PAK1: variants seen among roughly 807,000 people sequenced by gnomAD.
PAK1 encodes the protein p21 (RAC1) activated kinase 1.
PAK1 carries 29 observed loss-of-function variants against 67.4 expected under a neutral mutation model. The ratio of observed to expected loss-of-function variants is 0.43; its 90% CI spans 0.32 to 0.59. PAK1 has a LOEUF of 0.59. Among genes scored for constraint, PAK1 ranks in the 20% least tolerant of loss-of-function variants. PAK1 has a pLI of 0.07. For synonymous variants in PAK1, 223 were observed against 237.4 expected (o/e 0.94, Z 0.56); for missense variants, 337 against 670.7 (o/e 0.50, Z 5.50).
chr11:77,351,901 A>G (rs1165837914), intron 8 of PAK1, among the ~76,000 whole-genome samples: 1 of 151,134 alleles, frequency 6.6e-6, no homozygotes, highest in African/African-American at 2.4e-5. Context: ...ATAGAGAGGT[A>G]TAACTTAATT....
At chr11:77,394,017 T>TG (rs1042808779) in intron 1 of PAK1, among the ~76,000 whole-genome samples, 7 of 151,842 alleles carry the variant, frequency 4.6e-5, no homozygotes, top group Middle Eastern at 3.2e-3. Context: ...TAAATAAAGA[T>TG]GGGGGGGATT....
At chr11:77,508,992 C>G in the PAK1 span, among the ~76,000 whole-genome samples, 1 of 135,328 alleles carries the variant, frequency 7.4e-6, no homozygotes, top group African/African-American at 2.6e-5. Context: ...AGCATCTGGC[C>G]GGGCGCGGTG....
chr11:77,391,123 A>G (rs2137402455), intron 2 of PAK1, among the ~76,000 whole-genome samples: 1 of 152,256 alleles, frequency 6.6e-6, no homozygotes, highest in South Asian at 2.1e-4. Context: ...AGGCAATTAT[A>G]TTTTTCTACA....
chr11:77,473,210 G>C (rs143385504), intron 1 of PAK1, among the ~76,000 whole-genome samples: 88 of 152,316 alleles, frequency 5.8e-4, no homozygotes, highest in African/African-American at 1.9e-3. Flanking sequence ...TGCGAAGTTC[G>C]GGACGGACTC....
At chr11:77,399,858 CA>C (rs34662738) in intron 1 of PAK1, among the ~76,000 whole-genome samples, 4 of 42,362 alleles carry the variant, frequency 9.4e-5, no homozygotes, top group East Asian at 1.4e-3. Context: ...GACTCCGTCT[CA>C]AAAAAAAAAA....
chr11:77,457,724 G>A lies in PAK1; in HGVS notation c.-22+15828C>T, dbSNP rs528765072. 2.9e-4 allele frequency among the ~76,000 whole-genome samples: 44 copies of A among 152,220 alleles called. No individual in the cohort carries two copies. The South Asian group carries it at 6.0e-3, about 21-fold the overall frequency. On this transcript the variant is annotated intron_variant, in intron 1 of 14. Transcript: ENST00000356341. ...TTTCTCATTTCCATCTCAATCTCCA[G>A]GAAGAATTACAATGAGAATAACAGC...
At chr11:77,369,934 CTCTT>C (rs1469621243) in intron 5 of PAK1, among the ~76,000 whole-genome samples, 1 of 152,112 alleles carries the variant, frequency 6.6e-6, no homozygotes, top group East Asian at 1.9e-4. Flanking sequence ...CTTGGTTCCT[CTCTT>C]TAATGTTGTG....
chr11:77,425,386 G>C (rs972689482), intron 1 of PAK1, among the ~76,000 whole-genome samples: 1 of 152,014 alleles, frequency 6.6e-6, no homozygotes, highest in Non-Finnish European at 1.5e-5. Flanking sequence ...CTAGAAAAGA[G>C]GCACCTTCTG....
intron 1 of PAK1, among the ~76,000 whole-genome samples, chr11:77,471,031 G>A (rs1030013774): frequency 2.0e-5 from 3 of 152,152 alleles, no homozygotes; most frequent in Non-Finnish European, 4.4e-5. Context: ...CCCCAATGTC[G>A]CAGCTGGCAA....
At chr11:77,337,975 C>T (rs932313062) in intron 11 of PAK1, among the ~76,000 whole-genome samples, 2 of 152,044 alleles carry the variant, frequency 1.3e-5, no homozygotes, top group African/African-American at 4.8e-5. Context: ...ATTTACAAGT[C>T]ATTTGGGAAG....
intron 1 of PAK1, among the ~76,000 whole-genome samples, chr11:77,449,814 A>G (rs1028752315): frequency 6.6e-6 from 1 of 152,062 alleles, no homozygotes; most frequent in Non-Finnish European, 1.5e-5. Flanking sequence ...AGGACTTTCC[A>G]ATGTATTACA....
intron 1 of PAK1, among the ~76,000 whole-genome samples, chr11:77,406,666 T>C (rs1294124178): frequency 1.3e-5 from 2 of 152,110 alleles, no homozygotes; most frequent in Admixed American, 6.6e-5. Flanking sequence ...TAGTCCCAGC[T>C]ACTCAAGAGG....
intron 1 of PAK1, among the ~76,000 whole-genome samples, chr11:77,396,749 T>C (rs1951879403): frequency 6.6e-6 from 1 of 152,120 alleles, no homozygotes. Context: ...CAGAACACAA[T>C]TTTGTGCTTT....
At chr11:77,512,754 C>T in the PAK1 span, among the ~76,000 whole-genome samples, 609 of 152,266 alleles carry the variant, frequency 4.0e-3, 12 homozygotes, top group Admixed American at 0.032. Flanking sequence ...TTCCTTTCAT[C>T]ATCCTTCCAA....
At chr11:77,441,847 G>C (rs915945083) in intron 1 of PAK1, among the ~76,000 whole-genome samples, 2 of 152,212 alleles carry the variant, frequency 1.3e-5, no homozygotes, top group African/African-American at 4.8e-5. Flanking sequence ...ACAAGTAAGA[G>C]TCAAAATGCT....
intron 1 of PAK1, among the ~76,000 whole-genome samples, chr11:77,434,174 C>G (rs966906487): frequency 6.6e-6 from 1 of 152,048 alleles, no homozygotes; most frequent in Admixed American, 6.6e-5. Flanking sequence ...TATATCTACA[C>G]AAAAAATGTA....
intron 1 of PAK1, among the ~76,000 whole-genome samples, chr11:77,450,438 G>C (rs1197453136): frequency 6.6e-6 from 1 of 152,100 alleles, no homozygotes; most frequent in Non-Finnish European, 1.5e-5. Context: ...ATTTGCAAAG[G>C]GAAGTAGGCA....
chr11:77,425,409 G>A (rs1421922486), intron 1 of PAK1, among the ~76,000 whole-genome samples: 1 of 152,084 alleles, frequency 6.6e-6, no homozygotes, highest in African/African-American at 2.4e-5. Context: ...AGAATTGACA[G>A]TTGTAAAAAG....
chr11:77,332,927 T>C (rs1032010051), intron 13 of PAK1, 60 bp from the exon 14 acceptor site: 1 of 1,523,324 alleles, frequency 6.6e-7, no homozygotes, highest in East Asian at 2.3e-5. Context: ...TTGTTCCCCA[T>C]ATACAAGTTC....
Sources: gnomAD v4.1 joint callset for allele counts (sites outside exome capture counted in the v4.1 genomes callset) on GRCh38, gnomAD v4.1.1 for gene constraint, MANE v1.5 for transcripts, NCBI Gene and HGNC (gene_info 2026-07-23, HGNC 2026-07-21) for gene names.